GARNL3: variants seen among roughly 807,000 people sequenced by gnomAD.
The protein encoded by GARNL3 is GTPase activating Rap/RanGAP domain like 3.
In GARNL3, 63 loss-of-function variants were observed where a neutral mutation model predicts 125.0. The ratio of observed to expected loss-of-function variants is 0.50; its 90% CI spans 0.41 to 0.62. The LOEUF (loss-of-function observed/expected upper bound fraction) is 0.62. Among genes scored for constraint, GARNL3 ranks in the 20% least tolerant of loss-of-function variants. GARNL3 has a pLI of 0.00. For missense variants in GARNL3, 994 were observed against 1,244.0 expected (o/e 0.80, Z 3.02); for synonymous variants, 439 against 457.5 (o/e 0.96, Z 0.52).
At chr9:127,253,388 T>C (rs769047355) in intron 2 of GARNL3, among the ~76,000 whole-genome samples, 151 of 152,368 alleles carry the variant, frequency 9.9e-4, no homozygotes, top group Non-Finnish European at 1.9e-3. Flanking sequence ...CTGGCTGGCT[T>C]GCTTGCATTC....
intron 17 of GARNL3, among the ~76,000 whole-genome samples, chr9:127,351,484 A>G (rs1830423051): frequency 6.6e-6 from 1 of 151,662 alleles, no homozygotes; most frequent in Non-Finnish European, 1.5e-5. Context: ...TTAAAAAAAA[A>G]AGAAGAAGAA....
chr9:127,367,907 A>G (rs1386829480), intron 22 of GARNL3, among the ~76,000 whole-genome samples: 1 of 152,060 alleles, frequency 6.6e-6, no homozygotes, highest in Non-Finnish European at 1.5e-5. Flanking sequence ...TAAAGCCCAC[A>G]ACACATTGCC....
chr9:127,238,030 C>T (rs1395991176), intron 1 of GARNL3, among the ~76,000 whole-genome samples: 3 of 152,190 alleles, frequency 2.0e-5, no homozygotes, highest in Non-Finnish European at 4.4e-5. Flanking sequence ...TGACTAAAGC[C>T]AGCAGTGACC....
At chr9:127,300,723 G>A (rs2064758006) in intron 2 of GARNL3, 1 of 334,988 alleles carries the variant, frequency 3.0e-6, no homozygotes, top group South Asian at 2.5e-5. Context: ...CCAAAGTGCT[G>A]GGATTACAGG....
At chr9:127,231,164 C>G (rs1355315488) in intron 1 of GARNL3, among the ~76,000 whole-genome samples, 2 of 145,810 alleles carry the variant, frequency 1.4e-5, no homozygotes, top group Non-Finnish European at 3.0e-5. Context: ...ATGCCATTCT[C>G]CTGCCTCAGC....
In GARNL3 at chr9:127,242,973, C is replaced by T; in HGVS notation, c.-28-106C>T. The T allele has an allele frequency of 9.7e-7, 1 of 1,028,850 alleles. No individual in the cohort carries two copies. Among genetic ancestry groups the T allele is most frequent in the South Asian group, 1.6e-5 (1 of 62,962 alleles). 63.7% of individuals were successfully genotyped at this position (1,028,850 alleles called of 1,614,324 possible). A position where few individuals can be genotyped will look rare whatever the true frequency, so the allele number is the denominator to read the frequency against. ...AGGGTGCTTCAGTGTCACCCTCCTC[C>T]TTGCTTACCAGCGGGGCTGCCTTTG... On this transcript the variant is annotated intron_variant, in intron 1 of 10. Coordinates refer to the GARNL3 transcript ENST00000439286. This position sits in a 1 kb window ranked among gnomAD's most constrained non-coding sequence, Gnocchi z 4.6.
chr9:127,318,306 T>C (rs1432589975), intron 5 of GARNL3, among the ~76,000 whole-genome samples, 179 bp downstream of exon 5: 1 of 152,170 alleles, frequency 6.6e-6, no homozygotes, highest in Non-Finnish European at 1.5e-5. Context: ...AGCAACCCTG[T>C]AGGGCAGGTG....
chr9:127,355,270 T>TA (rs777848930), intron 19 of GARNL3, 27 bp from the exon 20 acceptor site: 23 of 1,607,962 alleles, frequency 1.4e-5, no homozygotes, highest in Non-Finnish European at 2.0e-5. Flanking sequence ...ATGTCATGTG[T>TA]AAGGCATCAT....
rs75417815 is a variant in GARNL3, at chr9:127,360,414, G to T, written c.2094+3037G>T. ...TACAGCCCTCCCGTGGTAGAATGGC[G>T]GCTGCACAGCTCCCAGCAGGCACGG... On this transcript the variant is annotated intron_variant, in intron 21 of 27. Coordinates refer to ENST00000373387, the MANE Select transcript of GARNL3 (RefSeq NM_032293.5). 1.6e-3 allele frequency among the ~76,000 whole-genome samples: 251 copies of T among 152,252 alleles called. 7 individuals are homozygous for T. In the East Asian group the frequency reaches 0.045, roughly 27 times the overall value.
intron 2 of GARNL3, among the ~76,000 whole-genome samples, chr9:127,299,054 C>T (rs185376866): frequency 1.3e-5 from 2 of 152,248 alleles, no homozygotes; most frequent in East Asian, 1.9e-4. Flanking sequence ...CGGTGGCTCA[C>T]GCCTATAATC....
In GARNL3 at chr9:127,379,328, C is replaced by T. The variant is rs573222655; in HGVS notation, c.2162-4110C>T. On this transcript the variant is annotated intron_variant, in intron 22 of 27. Transcript: ENST00000373387. The stretch of plus-strand genomic sequence containing the variant: ...ATGTAGGAACTCACAGCACTGGGAC[C>T]ACCTCGTTCTAATGGCCTTGCAATT... Among the ~76,000 whole-genome samples the T allele has an allele frequency of 5.9e-5, 9 of 152,246 alleles. No individual in the cohort carries two copies. In the South Asian group the frequency reaches 1.9e-3, roughly 32 times the overall value.
At chr9:127,289,108 C>T (rs1161920417) in intron 1 of GARNL3, among the ~76,000 whole-genome samples, 1 of 152,198 alleles carries the variant, frequency 6.6e-6, no homozygotes, top group African/African-American at 2.4e-5. Context: ...CACAAAGAAG[C>T]TGTTGATGCT....
intron 20 of GARNL3, 95 bp from the exon 21 acceptor site, chr9:127,357,124 C>A: frequency 7.9e-7 from 1 of 1,259,328 alleles, no homozygotes; most frequent in Non-Finnish European, 1.1e-6. Context: ...GGAGAGGGTG[C>A]CTTCTCTGTA....
intron 1 of GARNL3, among the ~76,000 whole-genome samples, chr9:127,283,179 A>G (rs1351944305): frequency 6.6e-6 from 1 of 152,202 alleles, no homozygotes; most frequent in Non-Finnish European, 1.5e-5. Flanking sequence ...GGTCACCCAG[A>G]GCTGCATGAA....
At chr9:127,284,637 T>C (rs960213736) in intron 1 of GARNL3, among the ~76,000 whole-genome samples, 2 of 152,070 alleles carry the variant, frequency 1.3e-5, no homozygotes, top group Non-Finnish European at 2.9e-5. Flanking sequence ...TGTGAATTTT[T>C]CTGTAAATAT....
chr9:127,390,559 C>A, intron 26 of GARNL3, 82 bp from the exon 27 acceptor site: 3 of 1,345,384 alleles, frequency 2.2e-6, no homozygotes, highest in South Asian at 1.3e-5. Flanking sequence ...CACCAGTTCC[C>A]AACCAAGAAA....
At chr9:127,270,061 G>C (rs1214159816) in intron 1 of GARNL3, among the ~76,000 whole-genome samples, 1 of 152,074 alleles carries the variant, frequency 6.6e-6, no homozygotes, top group Non-Finnish European at 1.5e-5. Context: ...GGCTTTTATG[G>C]TTTTAGCTGT....
Position 127,385,250 on chromosome 9 carries a change from G to A in GARNL3, c.2388+105G>A. ...CCTCTTGTCAAGTTAGGCTGATGAA[G>A]ACCGGTGTCAGAATGCCAGCACGAG... is the stretch of plus-strand genomic sequence containing the variant. On this transcript the variant is annotated intron_variant, in intron 24 of 27. Transcript: ENST00000373387. This position sits in a 1 kb window ranked among gnomAD's most constrained non-coding sequence, Gnocchi z 4.1. 1.7e-6 allele frequency: 1 copy of A among 605,336 alleles called. No individual in the cohort carries two copies. The highest frequency in any genetic ancestry group is 2.9e-6 in the Non-Finnish European group (1 of 348,588). The allele number at this position is 605,336 out of a possible 1,614,324, so 37.5% of individuals were successfully genotyped here.
rs746912641 is a variant in GARNL3 at position 127,365,280 on chromosome 9, G to A, written c.2095-20G>A. ...GTCAGCATCCAGCCTGCCCACTACC[G>A]TTGCCCGTTATCATTGCAGGTTAAT... On this transcript the variant is annotated intron_variant, in intron 21 of 27. Coordinates refer to ENST00000373387, the MANE Select transcript of GARNL3 (RefSeq NM_032293.5). 13 of 1,607,576 alleles carry A rather than the reference G, an allele frequency of 8.1e-6. No individual in the cohort carries two copies. The highest frequency in any genetic ancestry group is 1.7e-4 in the Middle Eastern group (1 of 6,052).
Sources: allele counts gnomAD v4.1 joint callset (sites outside exome capture counted in the v4.1 genomes callset), GRCh38; gene constraint gnomAD v4.1.1; non-coding constraint Gnocchi (gnomAD v3.1); transcripts MANE v1.5; gene names NCBI Gene and HGNC (gene_info 2026-07-23, HGNC 2026-07-21).